NAALADL2: variants seen among roughly 807,000 people sequenced by gnomAD.
NAALADL2 encodes the protein N-acetylated alpha-linked acidic dipeptidase like 2, also known as inactive N-acetylated-alpha-linked acidic dipeptidase-like protein 2.
In NAALADL2, 76 loss-of-function variants were observed where a neutral mutation model predicts 87.2. The ratio of observed to expected loss-of-function variants is 0.87; its 90% CI spans 0.72 to 1.05. The LOEUF is 1.05. Among genes scored for constraint, NAALADL2 ranks in the 50% least tolerant of loss-of-function variants. NAALADL2 has a pLI of 0.00. For missense variants in NAALADL2, 1,089 were observed against 945.8 expected (o/e 1.15, Z -1.99); for synonymous variants, 354 against 331.0 (o/e 1.07, Z -0.75).
chr3:175,718,269 A>G (rs1249253723), intron 11 of NAALADL2: 3 of 1,298,042 alleles, frequency 2.3e-6, no homozygotes, highest in East Asian at 3.9e-5. Context: ...AGGGAGTTTC[A>G]TATTTTCTTT....
intron 2 of NAALADL2, among the ~76,000 whole-genome samples, chr3:175,173,475 C>G (rs1400085519): frequency 1.3e-5 from 2 of 152,210 alleles, no homozygotes; most frequent in African/African-American, 4.8e-5. Context: ...GCACTCCAAC[C>G]TGAGTGACAG....
intron 1 of NAALADL2, among the ~76,000 whole-genome samples, chr3:174,519,180 A>G (rs988076708): frequency 2.0e-5 from 3 of 152,188 alleles, no homozygotes; most frequent in African/African-American, 7.2e-5. Context: ...TACAGATTTT[A>G]TGTTCTTAAA....
chr3:174,846,586 G>A (rs112249851), intron 3 of NAALADL2, among the ~76,000 whole-genome samples: 190 of 152,158 alleles, frequency 1.2e-3, no homozygotes, highest in African/African-American at 4.3e-3. Context: ...TTCTGAGTAG[G>A]CCTCAATGTT....
chr3:174,450,385 G>A lies in NAALADL2; in HGVS notation c.-184+9353G>A, dbSNP rs544211710. Among the ~76,000 whole-genome samples the A allele has an allele frequency of 1.8e-4, 27 of 152,280 alleles. No homozygotes were observed. The East Asian group carries it at 4.3e-3, about 24-fold the overall frequency. ...GCATGGGAAAATAGGGAGGCGCAAG[G>A]AAGAGGATTTGGTTAATAGGAAGCA... On this transcript the variant is annotated intron_variant, in intron 1 of 3. Coordinates refer to the NAALADL2 transcript ENST00000434257.
intron 1 of NAALADL2, among the ~76,000 whole-genome samples, chr3:174,958,678 A>G (rs753683053): frequency 2.0e-5 from 3 of 152,058 alleles, no homozygotes; most frequent in African/African-American, 7.2e-5. Context: ...TTTGCATAAC[A>G]TTGGTTTCAT....
At chr3:175,646,547 C>T (rs1050916631) in intron 11 of NAALADL2, among the ~76,000 whole-genome samples, 5 of 151,972 alleles carry the variant, frequency 3.3e-5, no homozygotes, top group Admixed American at 2.0e-4. Context: ...GGCTAATTGT[C>T]TTGTCATTAG....
chr3:175,138,342 A>G (rs758354255), intron 2 of NAALADL2, among the ~76,000 whole-genome samples: 40 of 152,290 alleles, frequency 2.6e-4, no homozygotes, highest in African/African-American at 8.7e-4. Flanking sequence ...AAGAGCCACA[A>G]CTTCTTATCC....
intron 1 of NAALADL2, among the ~76,000 whole-genome samples, chr3:174,983,801 G>T (rs971974226): frequency 6.6e-6 from 1 of 152,156 alleles, no homozygotes; most frequent in East Asian, 1.9e-4. Flanking sequence ...CAATTGACTT[G>T]CATGTGAAAG....
chr3:175,647,356 G>A lies in NAALADL2; in HGVS notation c.1896+19970G>A, dbSNP rs1730156791. Reference sequence around the variant, plus strand: ...TGCAGGTTTGTTACCTGGGTATTTTGTCTTTTTATTAAAAAAAGACAGAAA... The same window carrying A: ...TGCAGGTTTGTTACCTGGGTATTTTATCTTTTTATTAAAAAAAGACAGAAA... On this transcript the variant is annotated intron_variant, in intron 11 of 13. Transcript: ENST00000454872. 4.6e-5 allele frequency among the ~76,000 whole-genome samples: 7 copies of A among 152,034 alleles called. 1 individual carries two copies. The South Asian group carries it at 1.5e-3, about 32-fold the overall frequency.
chr3:175,695,071 G>GA (rs200600326), intron 11 of NAALADL2, among the ~76,000 whole-genome samples: 12,569 of 136,096 alleles, frequency 0.092, 645 homozygotes, highest in Middle Eastern at 0.18. Flanking sequence ...ATAGGTGCTT[G>GA]AAAAAAAAAA....
chr3:175,063,135 G>A (rs1713860884), intron 1 of NAALADL2, among the ~76,000 whole-genome samples: 1 of 152,022 alleles, frequency 6.6e-6, no homozygotes, highest in Admixed American at 6.6e-5. Context: ...TAAAAGTTCA[G>A]GAAAAGGAGA....
intron 4 of NAALADL2, 131 bp from the exon 5 acceptor site, chr3:175,324,044 G>GAAAA (rs1399594788): frequency 4.3e-6 from 2 of 470,206 alleles, no homozygotes; most frequent in Non-Finnish European, 3.5e-6. Flanking sequence ...AAAAAAAAAA[G>GAAAA]AAAAAGAAAA....
At chr3:174,509,505 G>A (rs1161865652) in intron 1 of NAALADL2, among the ~76,000 whole-genome samples, 5 of 146,492 alleles carry the variant, frequency 3.4e-5, no homozygotes, top group Non-Finnish European at 4.5e-5. Context: ...GAGTTCAAGC[G>A]ATTCTCCTGC....
At chr3:174,450,510 G>C (rs559961698) in intron 1 of NAALADL2, among the ~76,000 whole-genome samples, 2 of 152,254 alleles carry the variant, frequency 1.3e-5, no homozygotes, top group African/African-American at 2.4e-5. Context: ...TCTTTGGAAG[G>C]CTTGATGGTT....
chr3:175,331,132 A>C (rs749255506), intron 5 of NAALADL2, among the ~76,000 whole-genome samples: 5 of 152,126 alleles, frequency 3.3e-5, no homozygotes, highest in Non-Finnish European at 5.9e-5. Flanking sequence ...AATAACAAGT[A>C]ATAAAATTGA....
At chr3:175,550,839 GA>G (rs1714218970) in intron 9 of NAALADL2, among the ~76,000 whole-genome samples, 1 of 152,152 alleles carries the variant, frequency 6.6e-6, no homozygotes, top group Non-Finnish European at 1.5e-5. Flanking sequence ...CTGTTTGAGG[GA>G]AAACTCACAT....
At chr3:175,146,541 A>T (rs1730774239) in intron 2 of NAALADL2, among the ~76,000 whole-genome samples, 2 of 152,196 alleles carry the variant, frequency 1.3e-5, no homozygotes, top group African/African-American at 4.8e-5. Flanking sequence ...AATGAAATTC[A>T]TAGAATATTA....
chr3:174,776,746 T>C (rs1715259065), intron 3 of NAALADL2, among the ~76,000 whole-genome samples: 1 of 152,166 alleles, frequency 6.6e-6, no homozygotes, highest in African/African-American at 2.4e-5. Context: ...TATATACTTT[T>C]TACGAATCAT....
At chr3:175,716,157 TATATA>T (rs1245636305) in intron 11 of NAALADL2, among the ~76,000 whole-genome samples, 1 of 146,640 alleles carries the variant, frequency 6.8e-6, no homozygotes, top group South Asian at 2.1e-4. Flanking sequence ...TTATATATAA[TATATA>T]ATATATTGGA....
Sources: gnomAD v4.1 joint callset for allele counts (sites outside exome capture counted in the v4.1 genomes callset) on GRCh38, gnomAD v4.1.1 for gene constraint, MANE v1.5 for transcripts, NCBI Gene and HGNC (gene_info 2026-07-23, HGNC 2026-07-21) for gene names.